The following MTDH variants were observed in gnomAD, a reference collection of about 807,000 sequenced individuals.
The protein encoded by MTDH is protein LYRIC.
Under a neutral mutation model 72.7 loss-of-function variants are expected in MTDH, and 34 were observed. That is an observed-to-expected ratio of 0.47 (90% CI 0.36 to 0.62). The LOEUF (loss-of-function observed/expected upper bound fraction) is 0.62. MTDH is among the 20% of genes least tolerant of loss of function. The pLI is 0.00. For synonymous variants in MTDH, 266 were observed against 268.9 expected, an observed-to-expected ratio of 0.99 and a Z score of 0.10; for missense variants, 677 against 699.4, an observed-to-expected ratio of 0.97 and a Z score of 0.36.
chr8:97,718,206 C>T (rs1814954156), intron 9 of MTDH, among the ~76,000 whole-genome samples: 1 of 150,380 alleles, frequency 6.6e-6, no homozygotes, highest in African/African-American at 2.5e-5. Flanking sequence ...CCACACCCAG[C>T]TAATTTTTGT....
intron 6 of MTDH, among the ~76,000 whole-genome samples, chr8:97,694,200 C>CT (rs1265111285): frequency 0.035 from 4,993 of 142,848 alleles, 269 homozygotes; most frequent in African/African-American, 0.11. Flanking sequence ...TTTTCTGGAA[C>CT]TTTTTTTTTT....
chr8:97,697,512 T>A (rs1371541519), intron 6 of MTDH, among the ~76,000 whole-genome samples: 2 of 149,204 alleles, frequency 1.3e-5, no homozygotes, highest in Non-Finnish European at 3.0e-5. Flanking sequence ...CGGCGTCCCA[T>A]GTATCTGGTA....
Position 97,661,256 on chromosome 8 carries a change from T to C in MTDH, c.483+83T>C, listed in dbSNP as rs1443953873. 6 of 1,006,262 alleles carry C rather than the reference T, an allele frequency of 6.0e-6. No homozygotes were observed. In the African/African-American group the frequency reaches 6.3e-5, roughly 11 times the overall value. 62.3% of individuals were successfully genotyped at this position (1,006,262 alleles called of 1,614,324 possible). ...GATAATGCTTTTCTGTTTCATAAGATTGTATGTATACCTCTCATTTAAACA... is the reference window on the plus strand; with the variant it reads ...GATAATGCTTTTCTGTTTCATAAGACTGTATGTATACCTCTCATTTAAACA... On this transcript the variant is annotated intron_variant, in intron 2 of 11. Transcript: ENST00000336273.
At position 97,729,332 on chromosome 8, in the gene MTDH, A is replaced by G. The variant is rs1815473048; in HGVS notation, c.*4662A>G. The stretch of plus-strand genomic sequence containing the variant: ...GGGCATTACCTCCCCCACCCCCAAG[A>G]ACACTTCTTGGAAGTTACACACAAT... On this transcript the variant is annotated 3_prime_UTR_variant, in exon 12 of 12. Transcript: ENST00000336273. 1.3e-5 allele frequency among the ~76,000 whole-genome samples: 2 copies of G among 152,050 alleles called. No homozygotes were observed. The highest frequency in any genetic ancestry group is 4.2e-4 in the South Asian group (2 of 4,818).
At chr8:97,692,220 C>G (rs904454992) in intron 6 of MTDH, among the ~76,000 whole-genome samples, 2 of 152,138 alleles carry the variant, frequency 1.3e-5, no homozygotes, top group Non-Finnish European at 2.9e-5. Context: ...TGATGTAATT[C>G]AAGTTGAATA....
chr8:97,698,985 T>C (rs1215196462), intron 6 of MTDH, among the ~76,000 whole-genome samples: 2 of 150,612 alleles, frequency 1.3e-5, no homozygotes, highest in Non-Finnish European at 3.0e-5. Flanking sequence ...ACGAAAAATT[T>C]TTTAAAAATA....
At chr8:97,660,881 TTTTA>T (rs1458370201) in intron 1 of MTDH, among the ~76,000 whole-genome samples, 187 bp from the exon 2 acceptor site, 6 of 114,372 alleles carry the variant, frequency 5.2e-5, no homozygotes, top group East Asian at 4.5e-4. Flanking sequence ...TGCTTATGAA[TTTTA>T]TATATATATA....
intron 9 of MTDH, 135 bp from the exon 10 acceptor site, chr8:97,718,914 T>G (rs1013537871): frequency 2.3e-5 from 17 of 740,160 alleles, no homozygotes; most frequent in Non-Finnish European, 3.4e-5. Context: ...CAGGCTGGTC[T>G]CAAATTCCTG....
chr8:97,649,711 C>T (rs1339800629), intron 1 of MTDH, among the ~76,000 whole-genome samples: 6 of 150,714 alleles, frequency 4.0e-5, no homozygotes, highest in African/African-American at 1.5e-4. Flanking sequence ...TCAAGCATTC[C>T]TCCCACCTCA....
At chr8:97,662,781 G>A (rs1812223422) in intron 2 of MTDH, among the ~76,000 whole-genome samples, 1 of 144,936 alleles carries the variant, frequency 6.9e-6, no homozygotes, top group Non-Finnish European at 1.5e-5. Flanking sequence ...GCGAGACTCT[G>A]TCAAAAAAAA....
At chr8:97,683,607 T>C (rs1186882274) in intron 2 of MTDH, among the ~76,000 whole-genome samples, 1 of 151,796 alleles carries the variant, frequency 6.6e-6, no homozygotes, top group African/African-American at 2.4e-5. Flanking sequence ...TTGCCCTGGC[T>C]GGTCTCATAC....
intron 1 of MTDH, among the ~76,000 whole-genome samples, chr8:97,645,218 C>A (rs999154842): frequency 1.3e-5 from 2 of 152,124 alleles, no homozygotes; most frequent in South Asian, 4.1e-4. Flanking sequence ...TTGAGGCCTG[C>A]AGAGTAGGCT....
At chr8:97,669,121 G>A (rs1812504265) in intron 2 of MTDH, among the ~76,000 whole-genome samples, 1 of 152,120 alleles carries the variant, frequency 6.6e-6, no homozygotes, top group Non-Finnish European at 1.5e-5. Flanking sequence ...TGATTTAAAT[G>A]TTTTCACAGA....
intron 2 of MTDH, among the ~76,000 whole-genome samples, chr8:97,668,707 A>G (rs751952203): frequency 1.3e-5 from 2 of 151,676 alleles, no homozygotes; most frequent in African/African-American, 2.4e-5. Flanking sequence ...GGCGCCCACC[A>G]TGACGCCTGG....
At chr8:97,658,358 A>G (rs1026186949) in intron 1 of MTDH, among the ~76,000 whole-genome samples, 1 of 152,204 alleles carries the variant, frequency 6.6e-6, no homozygotes, top group African/African-American at 2.4e-5. Context: ...ATGGGAACTG[A>G]ATGTTCCTGA....
rs1815352053 is a variant in MTDH, at chr8:97,726,416, G to A, written c.*1746G>A. ...TTTATTCTGTTAGCTTTACATAGGT[G>A]TTGGAGGATTCCTAAGGTGTCAGCA... is the stretch of plus-strand genomic sequence containing the variant. On this transcript the variant is annotated 3_prime_UTR_variant, in exon 12 of 12. Coordinates refer to ENST00000336273, the MANE Select transcript of MTDH (RefSeq NM_178812.4). The A allele has an allele frequency of 6.6e-6, 1 of 152,374 alleles. No individual in the cohort carries two copies. The highest frequency in any genetic ancestry group is 2.1e-4 in the South Asian group (1 of 4,834). 9.4% of individuals were successfully genotyped at this position (152,374 alleles called of 1,614,324 possible).
At chr8:97,677,861 T>C (rs935034027) in intron 2 of MTDH, among the ~76,000 whole-genome samples, 1 of 152,152 alleles carries the variant, frequency 6.6e-6, no homozygotes, top group Non-Finnish European at 1.5e-5. Context: ...AATTTAATTA[T>C]AAATGACTGG....
chr8:97,721,573 GA>G (rs1354899560), intron 10 of MTDH, among the ~76,000 whole-genome samples: 4 of 152,164 alleles, frequency 2.6e-5, no homozygotes, highest in African/African-American at 9.7e-5. Context: ...GGCCCTGGAA[GA>G]ATAGGGGCAA....
chr8:97,707,449 C>CTTTTTTTTTT (rs35528230), intron 8 of MTDH, among the ~76,000 whole-genome samples: 2 of 80,216 alleles, frequency 2.5e-5, no homozygotes, highest in Non-Finnish European at 4.3e-5. Context: ...CATGCCTGGC[C>CTTTTTTTTTT]TTTTTTTTTT....
Sources: gnomAD v4.1 joint callset for allele counts (sites outside exome capture counted in the v4.1 genomes callset) on GRCh38, gnomAD v4.1.1 for gene constraint, MANE v1.5 for transcripts, NCBI Gene and HGNC (gene_info 2026-07-23, HGNC 2026-07-21) for gene names.